CRTAC1: variants seen among roughly 807,000 people sequenced by gnomAD.
CRTAC1 encodes the protein cartilage acidic protein 1.
CRTAC1 carries 37 observed loss-of-function variants against 67.8 expected under a neutral mutation model. The observed-to-expected ratio is 0.55, with a 90% CI of 0.42 to 0.72. The LOEUF is 0.72. Among genes scored for constraint, CRTAC1 ranks in the 30% least tolerant of loss-of-function variants. The probability of loss-of-function intolerance (pLI) is 0.00; values close to 1 mark genes in which losing one functional copy is unlikely to be tolerated. For synonymous variants in CRTAC1, 348 were observed against 371.0 expected, an observed-to-expected ratio of 0.94 and a Z score of 0.71; for missense variants, 780 against 931.6, an observed-to-expected ratio of 0.84 and a Z score of 2.12.
chr10:97,879,865 T>TGGGGGGGGGGGGGGGAGGGGGG, intron 14 of CRTAC1: 1 of 226,628 alleles, frequency 4.4e-6, no homozygotes, highest in Non-Finnish European at 8.7e-6. Context: ...GGGGACGGGG[T>TGGGGGGGGGGGGGGGAGGGGGG]GGGGGTGGAG....
intron 4 of CRTAC1, among the ~76,000 whole-genome samples, chr10:97,919,978 G>T (rs571215367): frequency 1.3e-5 from 2 of 151,934 alleles, no homozygotes; most frequent in South Asian, 2.1e-4. Context: ...TGAACTCCTG[G>T]TGTCTCAATC....
intron 1 of CRTAC1, among the ~76,000 whole-genome samples, chr10:98,028,761 G>A (rs1363087125): frequency 6.6e-6 from 1 of 152,182 alleles, no homozygotes; most frequent in East Asian, 1.9e-4. Context: ...AGACAACGAT[G>A]GAGCTGGGGG....
intron 5 of CRTAC1, among the ~76,000 whole-genome samples, chr10:97,909,457 G>A (rs1000282493): frequency 6.6e-6 from 1 of 152,208 alleles, no homozygotes; most frequent in Non-Finnish European, 1.5e-5. Context: ...AAATGGGGGA[G>A]AGTCCGACCT....
chr10:97,933,228 A>C (rs902037414), intron 3 of CRTAC1, among the ~76,000 whole-genome samples: 6 of 152,254 alleles, frequency 3.9e-5, no homozygotes, highest in African/African-American at 7.2e-5. Context: ...CTCAACTGAA[A>C]AATTAACTAA....
At chr10:97,880,622 A>G (rs146170458) in intron 13 of CRTAC1, among the ~76,000 whole-genome samples, 1 of 152,104 alleles carries the variant, frequency 6.6e-6, no homozygotes, top group African/African-American at 2.4e-5. Context: ...GTCTACTACA[A>G]TCGTTCTAGG....
intron 13 of CRTAC1, among the ~76,000 whole-genome samples, chr10:97,881,872 C>T (rs1354007113): frequency 6.6e-6 from 1 of 152,122 alleles, no homozygotes; most frequent in Non-Finnish European, 1.5e-5. Flanking sequence ...TTCCTCAGGG[C>T]CCAGCTTGGA....
chr10:97,991,883 G>A (rs1842466360), intron 2 of CRTAC1, among the ~76,000 whole-genome samples: 3 of 152,184 alleles, frequency 2.0e-5, no homozygotes, highest in Admixed American at 2.0e-4. Flanking sequence ...TGAGATATCT[G>A]TTATTTTACT....
intron 2 of CRTAC1, among the ~76,000 whole-genome samples, chr10:98,005,760 TA>T (rs1842777881): frequency 6.6e-6 from 1 of 151,992 alleles, no homozygotes; most frequent in Non-Finnish European, 1.5e-5. Context: ...ATGTGTCTTT[TA>T]AAAAATCATT....
At position 97,908,126 on chromosome 10, in the gene CRTAC1, C is replaced by A; in HGVS notation, c.737G>T (p.Gly246Val). Residue 246 changes from glycine (G) to valine (V), a missense_variant, in exon 6 of 15, where the codon GGC (glycine) becomes GTC (valine). Physicochemically the swap from Gly to Val is moderately radical, Grantham distance 109 (BLOSUM62 -3). Coordinates refer to ENST00000370597, the MANE Select transcript of CRTAC1 (RefSeq NM_018058.7). ...KYTGGRGVSV[G>V]PILSSSASDI... is the part of the protein sequence containing the mutation. ...CGAGGCACTGCTGCTGAGGATGGGGCCCACGCTGACGCCTCGGCCCCCTAG... is the reference window on the plus strand; with the variant it reads ...CGAGGCACTGCTGCTGAGGATGGGGACCACGCTGACGCCTCGGCCCCCTAG... The A allele has an allele frequency of 6.2e-7, 1 of 1,613,800 alleles. No homozygotes were observed.
At position 97,895,820 on chromosome 10, in the gene CRTAC1, C is replaced by G; in HGVS notation, c.1317+65G>C. 7.1e-7 allele frequency: 1 copy of G among 1,399,086 alleles called. No individual in the cohort carries two copies. Among genetic ancestry groups the G allele is most frequent in the Non-Finnish European group, 1.0e-6 (1 of 992,146 alleles). The allele number at this position is 1,399,086 out of a possible 1,614,324, so 86.7% of individuals were successfully genotyped here. A position where few individuals can be genotyped will look rare whatever the true frequency, so the allele number is the denominator to read the frequency against. ...AGCCAGCACCCCGGCACCTTGCCCT[C>G]ACCAACTCAAGGTACCCGAGAGCAC... On this transcript the variant is annotated intron_variant, in intron 10 of 14. Transcript: ENST00000370597. This position sits in a 1 kb window ranked among gnomAD's most constrained non-coding sequence, Gnocchi z 4.2.
intron 2 of CRTAC1, among the ~76,000 whole-genome samples, chr10:98,000,267 C>T (rs546130940): frequency 1.0e-3 from 152 of 152,298 alleles, no homozygotes; most frequent in African/African-American, 3.5e-3. Flanking sequence ...GCTGTGACCC[C>T]TCAGGGAGCC....
chr10:97,939,931 C>G (rs933871281), intron 2 of CRTAC1, among the ~76,000 whole-genome samples: 8 of 152,194 alleles, frequency 5.3e-5, no homozygotes, highest in Non-Finnish European at 1.0e-4. Flanking sequence ...TCACTTTCCT[C>G]ATTAAAACAT....
intron 2 of CRTAC1, among the ~76,000 whole-genome samples, chr10:97,973,004 T>C (rs942265234): frequency 1.3e-5 from 2 of 152,098 alleles, no homozygotes; most frequent in Non-Finnish European, 2.9e-5. Context: ...GCACAGAAAG[T>C]AGTGAAGTGC....
intron 2 of CRTAC1, among the ~76,000 whole-genome samples, chr10:97,939,214 C>A (rs2051134740): frequency 6.6e-6 from 1 of 152,154 alleles, no homozygotes; most frequent in African/African-American, 2.4e-5. Context: ...GTCCTTCTAC[C>A]CTGAATCTGG....
At chr10:97,948,476 C>T (rs1460127152) in intron 2 of CRTAC1, among the ~76,000 whole-genome samples, 1 of 152,056 alleles carries the variant, frequency 6.6e-6, no homozygotes, top group East Asian at 1.9e-4. Flanking sequence ...CTGGGGGACA[C>T]GTGGTTAAGC....
intron 2 of CRTAC1, among the ~76,000 whole-genome samples, chr10:97,939,647 G>A (rs941315580): frequency 6.6e-6 from 1 of 152,096 alleles, no homozygotes; most frequent in African/African-American, 2.4e-5. Context: ...AAAACCAGGA[G>A]AACCAGTCTT....
intron 1 of CRTAC1, among the ~76,000 whole-genome samples, chr10:98,018,308 G>A (rs998869710): frequency 2.7e-5 from 4 of 146,600 alleles, no homozygotes; most frequent in Non-Finnish European, 3.0e-5. Flanking sequence ...CCTAGCTCAT[G>A]ACCTTGGGCC....
intron 11 of CRTAC1, among the ~76,000 whole-genome samples, chr10:97,890,148 A>C (rs2050347908): frequency 6.6e-6 from 1 of 151,876 alleles, no homozygotes; most frequent in African/African-American, 2.4e-5. Context: ...ACAGGCTCTC[A>C]CTCTGTTACC....
At chr10:97,981,262 GT>G (rs1158929283) in intron 2 of CRTAC1, among the ~76,000 whole-genome samples, 7 of 152,148 alleles carry the variant, frequency 4.6e-5, no homozygotes, top group Admixed American at 4.6e-4. Flanking sequence ...ACAGAAAGAC[GT>G]AAGGAAGAAA....
Sources: allele counts gnomAD v4.1 joint callset (sites outside exome capture counted in the v4.1 genomes callset), GRCh38; gene constraint gnomAD v4.1.1; non-coding constraint Gnocchi (gnomAD v3.1); transcripts MANE v1.5; gene names NCBI Gene and HGNC (gene_info 2026-07-23, HGNC 2026-07-21).